Variants in FNDC3B observed in about 807,000 individuals in gnomAD.
The protein encoded by FNDC3B is fibronectin type III domain containing 3B, also known as fibronectin type III domain-containing protein 3B.
In FNDC3B, 12 loss-of-function variants were observed where a neutral mutation model predicts 151.5. The ratio of observed to expected loss-of-function variants is 0.08; its 90% CI spans 0.05 to 0.13. The LOEUF is 0.13. Ranked by LOEUF, FNDC3B falls within the 10% of genes least tolerant of loss-of-function variation. FNDC3B has a pLI of 1.00. For missense variants in FNDC3B, 1,214 were observed against 1,505.3 expected, an observed-to-expected ratio of 0.81 and a Z score of 3.20; for synonymous variants, 528 against 549.0, an observed-to-expected ratio of 0.96 and a Z score of 0.54.
intron 4 of FNDC3B, among the ~76,000 whole-genome samples, chr3:172,246,712 G>T (rs755125980): frequency 5.3e-5 from 8 of 152,188 alleles, no homozygotes; most frequent in African/African-American, 1.4e-4. Flanking sequence ...TCACACCTGC[G>T]TGTAGCCACT....
intron 3 of FNDC3B, among the ~76,000 whole-genome samples, chr3:172,214,312 G>A (rs190166238): frequency 2.6e-4 from 39 of 152,312 alleles, no homozygotes; most frequent in East Asian, 2.3e-3. Flanking sequence ...GTTTAGGTAA[G>A]GCAGAGACTG....
intron 3 of FNDC3B, among the ~76,000 whole-genome samples, chr3:172,205,992 T>C (rs1470512997): frequency 6.6e-6 from 1 of 152,172 alleles, no homozygotes; most frequent in Non-Finnish European, 1.5e-5. Flanking sequence ...TATTTATATG[T>C]AGTTAGATGC....
chr3:172,090,609 C>G (rs879073901), intron 1 of FNDC3B, among the ~76,000 whole-genome samples: 8 of 151,990 alleles, frequency 5.3e-5, no homozygotes, highest in Admixed American at 5.2e-4. Context: ...GAAATGGCAC[C>G]CTTTCAGTTT....
At chr3:172,255,152 C>G (rs1021967828) in intron 6 of FNDC3B, among the ~76,000 whole-genome samples, 2 of 152,308 alleles carry the variant, frequency 1.3e-5, no homozygotes, top group African/African-American at 4.8e-5. Flanking sequence ...TCCCCTCACC[C>G]CAGCTCCCTA....
At chr3:172,391,734 T>C (rs764514755) in intron 25 of FNDC3B, among the ~76,000 whole-genome samples, 6 of 152,146 alleles carry the variant, frequency 3.9e-5, no homozygotes, top group Non-Finnish European at 8.8e-5. Context: ...GAATAAATAG[T>C]ATACCTGTGA....
intron 3 of FNDC3B, among the ~76,000 whole-genome samples, chr3:172,169,398 A>T (rs976902790): frequency 6.6e-6 from 1 of 152,218 alleles, no homozygotes; most frequent in Non-Finnish European, 1.5e-5. Flanking sequence ...GGCATCGGAC[A>T]GTGTAGTCAG....
At chr3:172,189,415 C>T (rs1724383332) in intron 3 of FNDC3B, among the ~76,000 whole-genome samples, 1 of 152,306 alleles carries the variant, frequency 6.6e-6, no homozygotes, top group Non-Finnish European at 1.5e-5. Context: ...GTTCCTACCT[C>T]AACAGGTGAT....
chr3:172,108,183 A>G, intron 1 of FNDC3B, among the ~76,000 whole-genome samples: 1 of 142,494 alleles, frequency 7.0e-6, no homozygotes, highest in Admixed American at 6.8e-5. Flanking sequence ...AAAGAAAAAA[A>G]AAAAGTAGAG....
At chr3:172,189,788 G>T (rs551704043) in intron 3 of FNDC3B, among the ~76,000 whole-genome samples, 1 of 125,856 alleles carries the variant, frequency 7.9e-6, no homozygotes. Context: ...GTGACAGAGT[G>T]AGACCTTGTC....
At chr3:172,154,448 C>G (rs142806246) in intron 3 of FNDC3B, among the ~76,000 whole-genome samples, 1 of 152,108 alleles carries the variant, frequency 6.6e-6, no homozygotes, top group Non-Finnish European at 1.5e-5. Flanking sequence ...CCTCGTGATC[C>G]GCCGTCCTCC....
chr3:172,369,401 A>T (rs573335985), intron 23 of FNDC3B, among the ~76,000 whole-genome samples: 2 of 152,304 alleles, frequency 1.3e-5, no homozygotes, highest in East Asian at 3.9e-4. Flanking sequence ...AATTCTAGTC[A>T]TCCTTTTTTT....
chr3:172,374,212 T>TA (rs1299396306), intron 23 of FNDC3B, among the ~76,000 whole-genome samples: 3 of 152,210 alleles, frequency 2.0e-5, no homozygotes, highest in African/African-American at 4.8e-5. Flanking sequence ...GGTTGCCTCT[T>TA]ACCATGCGGC....
intron 1 of FNDC3B, among the ~76,000 whole-genome samples, chr3:172,090,337 T>TGATAATTA (rs1455487902): frequency 6.6e-6 from 1 of 152,132 alleles, no homozygotes; most frequent in African/African-American, 2.4e-5. Flanking sequence ...GCGGGGGCAG[T>TGATAATTA]GAATCTTTCT....
At chr3:172,121,142 C>T (rs1202281123) in intron 2 of FNDC3B, among the ~76,000 whole-genome samples, 9 of 152,136 alleles carry the variant, frequency 5.9e-5, no homozygotes, top group South Asian at 2.1e-4. Flanking sequence ...TGTGGTCATC[C>T]GGGTTTGGAA....
chr3:172,342,918 T>A, intron 17 of FNDC3B, 93 bp from the exon 18 acceptor site: 1 of 748,032 alleles, frequency 1.3e-6, no homozygotes, highest in Non-Finnish European at 2.4e-6. Context: ...TTCGGTAACA[T>A]TTGCAGTTAT....
intron 3 of FNDC3B, among the ~76,000 whole-genome samples, chr3:172,209,006 A>G (rs551451422): frequency 1.8e-4 from 28 of 152,230 alleles, no homozygotes; most frequent in African/African-American, 6.5e-4. Context: ...CAGGAACCAC[A>G]GAGCCCCAAA....
chr3:172,162,289 A>C (rs1484377939), intron 3 of FNDC3B, among the ~76,000 whole-genome samples: 1 of 152,030 alleles, frequency 6.6e-6, no homozygotes, highest in Non-Finnish European at 1.5e-5. Context: ...TCTTAGCATA[A>C]TTTTTAAGGG....
At chr3:172,202,152 G>C (rs1725187459) in intron 3 of FNDC3B, among the ~76,000 whole-genome samples, 1 of 152,188 alleles carries the variant, frequency 6.6e-6, no homozygotes, top group African/African-American at 2.4e-5. Flanking sequence ...CGGCCATCAT[G>C]AGGCAGGAAC....
At chr3:172,223,706 T>G (rs1275974916) in intron 3 of FNDC3B, among the ~76,000 whole-genome samples, 1 of 152,240 alleles carries the variant, frequency 6.6e-6, no homozygotes, top group East Asian at 1.9e-4. Context: ...TAAGTCAATG[T>G]TGTACCAAGT....
Sources: gnomAD v4.1 joint callset for allele counts (sites outside exome capture counted in the v4.1 genomes callset) on GRCh38, gnomAD v4.1.1 for gene constraint, MANE v1.5 for transcripts, NCBI Gene and HGNC (gene_info 2026-07-23, HGNC 2026-07-21) for gene names.